Variants in NSMCE2 observed in about 807,000 individuals in gnomAD.
NSMCE2 encodes the protein NSE2 SUMO ligase component of SMC5/6 complex.
NSMCE2 carries 24 observed loss-of-function variants against 23.8 expected under a neutral mutation model. The ratio of observed to expected loss-of-function variants is 1.01; its 90% CI spans 0.73 to 1.42. The LOEUF (loss-of-function observed/expected upper bound fraction) is 1.42. Ranked by LOEUF, NSMCE2 falls within the 40% of genes most tolerant of loss-of-function variation. The probability of loss-of-function intolerance (pLI) is 0.00; values close to 1 mark genes in which losing one functional copy is unlikely to be tolerated. For missense variants in NSMCE2, 284 were observed against 296.5 expected, an observed-to-expected ratio of 0.96 and a Z score of 0.31; for synonymous variants, 92 against 94.1, an observed-to-expected ratio of 0.98 and a Z score of 0.13.
At chr8:125,246,404 G>C (rs546678329) in intron 5 of NSMCE2, among the ~76,000 whole-genome samples, 1 of 151,866 alleles carries the variant, frequency 6.6e-6, no homozygotes, top group Non-Finnish European at 1.5e-5. Flanking sequence ...AGCTGCTCTC[G>C]ATCTCCTGAC....
chr8:125,284,920 C>A (rs1021976972), intron 5 of NSMCE2, among the ~76,000 whole-genome samples: 14 of 152,122 alleles, frequency 9.2e-5, no homozygotes, highest in African/African-American at 3.4e-4. Flanking sequence ...AGAGATAACA[C>A]CTGTGTAATT....
At chr8:125,188,196 A>G (rs1401698004) in intron 5 of NSMCE2, among the ~76,000 whole-genome samples, 1 of 152,224 alleles carries the variant, frequency 6.6e-6, no homozygotes, top group Non-Finnish European at 1.5e-5. Context: ...TCTCAGGAAC[A>G]TTAGAACACC....
intron 5 of NSMCE2, among the ~76,000 whole-genome samples, chr8:125,206,483 T>C (rs1368483454): frequency 1.3e-5 from 2 of 152,176 alleles, no homozygotes; most frequent in South Asian, 2.1e-4. Flanking sequence ...ACTGATGATA[T>C]GCTGAACTGC....
chr8:125,151,275 C>G lies in NSMCE2; in HGVS notation c.262C>G (p.His88Asp). 6.6e-7 allele frequency: 1 copy of G among 1,521,268 alleles called. No individual in the cohort carries two copies. The highest frequency in any genetic ancestry group is 1.1e-5 in the South Asian group (1 of 88,244). The allele number at this position is 1,521,268 out of a possible 1,614,324, so 94.2% of individuals were successfully genotyped here. ...YVKAVQSTIN[H>D]VKEERPEKIP... ...AAAGGCTGTTCAATCTACAATAAAT[C>G]ATGTAAGTTTATACCACTCCCTGGT... The change falls in exon 4 of 8, where the codon CAT becomes GAT. Residue 88 changes from histidine (H) to aspartate (D), a missense_variant and splice_region_variant. Physicochemically the swap from His to Asp is moderately conservative, Grantham distance 81. Coordinates refer to ENST00000287437, the MANE Select transcript of NSMCE2 (RefSeq NM_173685.4).
chr8:125,163,428 A>G (rs997833580), intron 4 of NSMCE2, among the ~76,000 whole-genome samples: 1 of 152,208 alleles, frequency 6.6e-6, no homozygotes, highest in Non-Finnish European at 1.5e-5. Context: ...AAGCATGTCC[A>G]GCTGGGAAAT....
intron 1 of NSMCE2, among the ~76,000 whole-genome samples, chr8:125,093,672 G>A (rs1406570412): frequency 1.3e-5 from 2 of 152,066 alleles, no homozygotes; most frequent in African/African-American, 4.8e-5. Context: ...GAGGTGAGCC[G>A]AGATCATGCC....
intron 5 of NSMCE2, among the ~76,000 whole-genome samples, chr8:125,270,057 A>G (rs1431491748): frequency 6.6e-6 from 1 of 152,222 alleles, no homozygotes; most frequent in Non-Finnish European, 1.5e-5. Context: ...AGCAATAAGC[A>G]TAAGGAGCTA....
chr8:125,333,290 C>T (rs56704677), intron 5 of NSMCE2, among the ~76,000 whole-genome samples: 4,318 of 151,860 alleles, frequency 0.028, 188 homozygotes, highest in African/African-American at 0.099. Flanking sequence ...CCCATTCAGC[C>T]TCCCAAGTAG....
chr8:125,093,286 G>T (rs1330664427), intron 1 of NSMCE2, among the ~76,000 whole-genome samples: 1 of 152,110 alleles, frequency 6.6e-6, no homozygotes, highest in East Asian at 1.9e-4. Flanking sequence ...CTCCCAAGAG[G>T]CCCCACCTCC....
At chr8:125,219,598 A>G (rs1300467811) in intron 5 of NSMCE2, among the ~76,000 whole-genome samples, 1 of 152,204 alleles carries the variant, frequency 6.6e-6, no homozygotes, top group East Asian at 1.9e-4. Flanking sequence ...TAAATAGAGT[A>G]ATATGTTTAT....
At chr8:125,300,142 A>G (rs1301774439) in intron 5 of NSMCE2, among the ~76,000 whole-genome samples, 1 of 150,254 alleles carries the variant, frequency 6.7e-6, no homozygotes, top group Non-Finnish European at 1.5e-5. Context: ...CTTGTACTGG[A>G]AGTGGGTCAC....
intron 3 of NSMCE2, among the ~76,000 whole-genome samples, chr8:125,124,468 A>ATTTC (rs1554604786): frequency 1.4e-5 from 2 of 146,868 alleles, no homozygotes; most frequent in Non-Finnish European, 3.0e-5. Flanking sequence ...ATTCCTCAGG[A>ATTTC]TTTCTCTCTC....
intron 5 of NSMCE2, among the ~76,000 whole-genome samples, chr8:125,231,504 G>A (rs942528189): frequency 6.6e-6 from 1 of 152,306 alleles, no homozygotes; most frequent in South Asian, 2.1e-4. Flanking sequence ...CTGGAACAGA[G>A]TTTGTGTTTC....
chr8:125,365,720 G>A (rs1010349995), intron 7 of NSMCE2, among the ~76,000 whole-genome samples: 2 of 152,104 alleles, frequency 1.3e-5, no homozygotes, highest in Non-Finnish European at 2.9e-5. Flanking sequence ...AGCCAGGCAT[G>A]GTGGCAGGCG....
chr8:125,211,290 A>T (rs372732907), intron 5 of NSMCE2, among the ~76,000 whole-genome samples: 1 of 152,192 alleles, frequency 6.6e-6, no homozygotes, highest in African/African-American at 2.4e-5. Flanking sequence ...AGTTACTCTT[A>T]CCAGTTCCTT....
chr8:125,249,950 A>T (rs1208398339), intron 5 of NSMCE2, among the ~76,000 whole-genome samples: 1 of 152,166 alleles, frequency 6.6e-6, no homozygotes, highest in Non-Finnish European at 1.5e-5. Flanking sequence ...AAAGGAAAAA[A>T]CATTGGGAAA....
At chr8:125,280,721 G>A (rs1827656811) in intron 5 of NSMCE2, among the ~76,000 whole-genome samples, 1 of 152,172 alleles carries the variant, frequency 6.6e-6, no homozygotes, top group Admixed American at 6.5e-5. Flanking sequence ...TTGGGTCCCA[G>A]ACAGGAGAAA....
chr8:125,294,399 G>A (rs191834435), intron 5 of NSMCE2, among the ~76,000 whole-genome samples: 11 of 152,228 alleles, frequency 7.2e-5, no homozygotes, highest in African/African-American at 1.2e-4. Flanking sequence ...AAAGGACTGC[G>A]CCATTTTACA....
intron 5 of NSMCE2, among the ~76,000 whole-genome samples, chr8:125,332,435 T>C (rs1829915176): frequency 6.6e-6 from 1 of 152,234 alleles, no homozygotes; most frequent in Non-Finnish European, 1.5e-5. Flanking sequence ...TCAGTTTTCA[T>C]TCAAATGTGA....
Sources: gnomAD v4.1 joint callset for allele counts (sites outside exome capture counted in the v4.1 genomes callset) on GRCh38, gnomAD v4.1.1 for gene constraint, MANE v1.5 for transcripts, NCBI Gene and HGNC (gene_info 2026-07-23, HGNC 2026-07-21) for gene names.